CFAP221: variants seen among roughly 807,000 people sequenced by gnomAD.
The protein encoded by CFAP221 is cilia and flagella associated protein 221, also known as cilia- and flagella-associated protein 221.
CFAP221 carries 97 observed loss-of-function variants against 113.1 expected under a neutral mutation model. The observed-to-expected ratio is 0.86, with a 90% CI of 0.73 to 1.02. The LOEUF is 1.02. CFAP221 is among the 50% of genes least tolerant of loss of function. The probability of loss-of-function intolerance (pLI) is 0.00; values close to 1 mark genes in which losing one functional copy is unlikely to be tolerated. For missense variants in CFAP221, 1,025 were observed against 1,013.4 expected, an observed-to-expected ratio of 1.01 and a Z score of -0.16; for synonymous variants, 331 against 354.4, an observed-to-expected ratio of 0.93 and a Z score of 0.74.
chr2:119,575,578 G>A (rs1309282944), intron 6 of CFAP221, among the ~76,000 whole-genome samples: 3 of 152,082 alleles, frequency 2.0e-5, no homozygotes, highest in East Asian at 1.9e-4. Flanking sequence ...GTGGTTGCCC[G>A]GGGCTGTGGG....
At chr2:119,606,150 C>T (rs1000236963) in intron 11 of CFAP221, among the ~76,000 whole-genome samples, 3 of 151,708 alleles carry the variant, frequency 2.0e-5, no homozygotes, top group Non-Finnish European at 4.4e-5. Flanking sequence ...AGCACAGGTG[C>T]GTGCCACCAT....
intron 8 of CFAP221, among the ~76,000 whole-genome samples, chr2:119,604,306 C>T (rs752491411): frequency 2.6e-5 from 4 of 151,912 alleles, no homozygotes; most frequent in Non-Finnish European, 1.5e-5. Flanking sequence ...TAGTGGTGCA[C>T]GCATGTAGTC....
At position 119,546,093 on chromosome 2, in the gene CFAP221, C is replaced by T. The variant is rs1365345756; in HGVS notation, c.-39C>T. The T allele has an allele frequency of 6.6e-7, 1 of 1,513,184 alleles. No homozygotes were observed. The highest frequency in any genetic ancestry group is 8.8e-7 in the Non-Finnish European group (1 of 1,140,072). 93.7% of individuals were successfully genotyped at this position (1,513,184 alleles called of 1,614,324 possible). A position where few individuals can be genotyped will look rare whatever the true frequency, so the allele number is the denominator to read the frequency against. ...TGCTCTTTCCTCCCCAGGACATGAC[C>T]TTTGGCTCTAAAAAGAAGACTCCAT... is the stretch of plus-strand genomic sequence containing the variant. On this transcript the variant is annotated 5_prime_UTR_variant, in exon 2 of 24. Transcript: ENST00000413369.
downstream of CFAP221, among the ~76,000 whole-genome samples, chr2:119,659,731 G>A (rs376694282): frequency 2.1e-4 from 32 of 152,234 alleles, no homozygotes; most frequent in African/African-American, 6.5e-4. Context: ...CGCACCCCTG[G>A]GCCTCTGCAC....
At chr2:119,564,671 T>A (rs752019380) in intron 6 of CFAP221, among the ~76,000 whole-genome samples, 39 of 152,240 alleles carry the variant, frequency 2.6e-4, no homozygotes, top group Non-Finnish European at 4.6e-4. Flanking sequence ...TTCAACATTA[T>A]GTTTTTGCGG....
chr2:119,599,006 C>T (rs1684184953), intron 7 of CFAP221, among the ~76,000 whole-genome samples: 1 of 152,104 alleles, frequency 6.6e-6, no homozygotes, highest in African/African-American at 2.4e-5. Context: ...AGTGGGTGGT[C>T]AAAGTATTGA....
intron 14 of CFAP221, among the ~76,000 whole-genome samples, chr2:119,622,450 C>G (rs1256036576): frequency 6.6e-6 from 1 of 152,190 alleles, no homozygotes; most frequent in East Asian, 1.9e-4. Flanking sequence ...CAAAGAGGAG[C>G]TGGTACCATT....
intron 12 of CFAP221, among the ~76,000 whole-genome samples, chr2:119,609,564 C>T (rs563031231): frequency 1.3e-5 from 2 of 152,294 alleles, no homozygotes; most frequent in Non-Finnish European, 2.9e-5. Context: ...GTCCTAATCT[C>T]CTCTGATATA....
At chr2:119,582,537 C>T (rs1034518399) in intron 6 of CFAP221, among the ~76,000 whole-genome samples, 4 of 150,740 alleles carry the variant, frequency 2.7e-5, no homozygotes, top group African/African-American at 9.8e-5. Flanking sequence ...CTCACTAGAA[C>T]CTCCGCGTTC....
intron 19 of CFAP221, among the ~76,000 whole-genome samples, chr2:119,635,119 A>G (rs529776645): frequency 7.9e-5 from 12 of 152,380 alleles, no homozygotes; most frequent in Non-Finnish European, 1.3e-4. Flanking sequence ...GAGAAGATGC[A>G]CAGAATAATA....
chr2:119,629,827 T>C (rs1179485669), intron 16 of CFAP221, 48 bp from the exon 17 acceptor site: 4 of 1,440,206 alleles, frequency 2.8e-6, no homozygotes, highest in Non-Finnish European at 3.9e-6. Context: ...GCATAGCCAC[T>C]CTTGCTCAGT....
chr2:119,634,827 G>A (rs942265309), intron 19 of CFAP221, among the ~76,000 whole-genome samples: 13 of 152,148 alleles, frequency 8.5e-5, no homozygotes, highest in African/African-American at 1.9e-4. Flanking sequence ...AGGGGAAAAC[G>A]GGGAGTTACT....
intron 19 of CFAP221, among the ~76,000 whole-genome samples, chr2:119,634,258 T>A (rs1686974207): frequency 6.6e-6 from 1 of 152,170 alleles, no homozygotes; most frequent in Admixed American, 6.5e-5. Context: ...GAGGATCAGT[T>A]GAGCCCAGGA....
At chr2:119,582,556 A>G (rs1682925347) in intron 6 of CFAP221, among the ~76,000 whole-genome samples, 1 of 150,470 alleles carries the variant, frequency 6.6e-6, no homozygotes, top group Non-Finnish European at 1.5e-5. Context: ...TCCAGGCTTC[A>G]GCCATCAGCC....
At chr2:119,594,923 A>G (rs1343133783) in intron 7 of CFAP221, among the ~76,000 whole-genome samples, 1 of 152,254 alleles carries the variant, frequency 6.6e-6, no homozygotes, top group Non-Finnish European at 1.5e-5. Flanking sequence ...GTTGCAATGC[A>G]GAGAACCCAG....
chr2:119,627,795 C>T lies in CFAP221; in HGVS notation c.1650+9C>T, dbSNP rs764245189. Reference sequence around the variant, plus strand: ...AGGACTCCAACGAGTTGGTAGGTGCCGTCAGGCTTGGGGGCGGGGAGTGGA... The same window carrying T: ...AGGACTCCAACGAGTTGGTAGGTGCTGTCAGGCTTGGGGGCGGGGAGTGGA... On this transcript the variant is annotated intron_variant, in intron 16 of 23. Coordinates refer to ENST00000413369, the MANE Select transcript of CFAP221 (RefSeq NM_001271049.2). The T allele has an allele frequency of 3.7e-6, 6 of 1,612,866 alleles. No individual in the cohort carries two copies. Among genetic ancestry groups the T allele is most frequent in the South Asian group, 3.3e-5 (3 of 90,966 alleles).
chr2:119,581,658 A>C (rs1169759221), intron 6 of CFAP221, among the ~76,000 whole-genome samples: 1 of 152,226 alleles, frequency 6.6e-6, no homozygotes, highest in Non-Finnish European at 1.5e-5. Flanking sequence ...ATGGTATAGA[A>C]TAATACCAAG....
At chr2:119,630,105 T>A in intron 17 of CFAP221, 150 bp downstream of exon 17, 1 of 688,824 alleles carries the variant, frequency 1.5e-6, no homozygotes, top group Non-Finnish European at 2.4e-6. Context: ...ATATGGGAGG[T>A]ACAGCAGATT....
intron 6 of CFAP221, among the ~76,000 whole-genome samples, chr2:119,576,803 A>G (rs1016087670): frequency 4.6e-5 from 7 of 152,244 alleles, no homozygotes; most frequent in African/African-American, 1.4e-4. Flanking sequence ...TCAGCTCTTT[A>G]TAGCTCTTCA....
Sources: allele counts gnomAD v4.1 joint callset (sites outside exome capture counted in the v4.1 genomes callset), GRCh38; gene constraint gnomAD v4.1.1; transcripts MANE v1.5; gene names NCBI Gene and HGNC (gene_info 2026-07-23, HGNC 2026-07-21).